Variants in CLEC1A observed in about 807,000 individuals in gnomAD.
CLEC1A encodes C-type lectin-like receptor-1.
In CLEC1A, 34 loss-of-function variants were observed where a neutral mutation model predicts 28.7. The observed-to-expected ratio is 1.18, with a 90% confidence interval of 0.90 to 1.57. The LOEUF (loss-of-function observed/expected upper bound fraction) is 1.57, where lower values mean the gene tolerates loss of function less well. Ranked by LOEUF, CLEC1A falls within the 40% of genes most tolerant of loss-of-function variation. The pLI, the probability that CLEC1A is intolerant of heterozygous loss-of-function variation, is 0.00. For missense variants in CLEC1A, 385 were observed against 339.5 expected (o/e 1.13, Z -1.05); for synonymous variants, 116 against 121.0 (o/e 0.96, Z 0.27).
intron 1 of CLEC1A, among the ~76,000 whole-genome samples, chr12:10,096,943 A>G (rs1256798478): frequency 6.6e-6 from 1 of 152,142 alleles, no homozygotes; most frequent in African/African-American, 2.4e-5. Flanking sequence ...GCTGTACTGT[A>G]CATGCTTCTG....
chr12:10,085,472 A>G (rs980519578), intron 2 of CLEC1A, among the ~76,000 whole-genome samples: 3 of 152,042 alleles, frequency 2.0e-5, no homozygotes, highest in African/African-American at 7.2e-5. Context: ...CGCAAATGGA[A>G]AACAAAAATG....
chr12:10,085,749 A>C (rs560614972), intron 2 of CLEC1A, among the ~76,000 whole-genome samples: 1 of 152,316 alleles, frequency 6.6e-6, no homozygotes, highest in African/African-American at 2.4e-5. Flanking sequence ...CACTGACAGC[A>C]CTAGACAGGT....
intron 1 of CLEC1A, among the ~76,000 whole-genome samples, chr12:10,096,610 T>C (rs934422650): frequency 6.6e-6 from 1 of 151,430 alleles, no homozygotes; most frequent in Non-Finnish European, 1.5e-5. Flanking sequence ...TTAAACTAGA[T>C]CAGCATGCCC....
intron 1 of CLEC1A, 25 bp from the exon 2 acceptor site, chr12:10,089,247 G>A (rs1463300618): frequency 6.3e-7 from 1 of 1,598,068 alleles, no homozygotes; most frequent in South Asian, 1.1e-5. Flanking sequence ...AGAGAAAGCA[G>A]AGTTTGGCTT....
intron 1 of CLEC1A, among the ~76,000 whole-genome samples, chr12:10,090,469 G>C (rs914520936): frequency 2.6e-5 from 4 of 151,992 alleles, no homozygotes; most frequent in African/African-American, 9.7e-5. Context: ...TGTTGCCCAG[G>C]CTGCAGGCTG....
At chr12:10,081,683 G>A (rs1470762658) in intron 2 of CLEC1A, among the ~76,000 whole-genome samples, 4 of 150,350 alleles carry the variant, frequency 2.7e-5, no homozygotes, top group Non-Finnish European at 5.9e-5. Context: ...TTGGACAACA[G>A]AACAGGGTGA....
chr12:10,080,650 G>C (rs1323789379), intron 3 of CLEC1A, among the ~76,000 whole-genome samples: 1 of 152,194 alleles, frequency 6.6e-6, no homozygotes, highest in Admixed American at 6.5e-5. Flanking sequence ...GAAAAGAATA[G>C]GAGAATAGGA....
At chr12:10,085,945 A>G (rs1866484363) in intron 2 of CLEC1A, among the ~76,000 whole-genome samples, 1 of 152,244 alleles carries the variant, frequency 6.6e-6, no homozygotes, top group Admixed American at 6.5e-5. Context: ...CCACAAAAAA[A>G]GTCTCTATAA....
chr12:10,080,146 T>G (rs1200003353), intron 3 of CLEC1A, among the ~76,000 whole-genome samples: 2 of 152,156 alleles, frequency 1.3e-5, no homozygotes, highest in South Asian at 2.1e-4. Context: ...CCATCTCTAC[T>G]AAAAATACAA....
chr12:10,081,445 C>G, intron 2 of CLEC1A, 32 bp from the exon 3 acceptor site: 1 of 1,522,676 alleles, frequency 6.6e-7, no homozygotes, highest in Non-Finnish European at 8.8e-7. Context: ...GACTGGACAG[C>G]TTATTTCTAT....
At chr12:10,075,772 T>G (rs1226988011) in intron 3 of CLEC1A, 117 bp from the exon 4 acceptor site, 13 of 857,058 alleles carry the variant, frequency 1.5e-5, no homozygotes, top group Non-Finnish European at 2.3e-5. Flanking sequence ...AATATTTAAT[T>G]AATTACCCAG....
intron 5 of CLEC1A, 59 bp from the exon 6 acceptor site, chr12:10,071,572 A>G: frequency 7.5e-7 from 1 of 1,329,790 alleles, no homozygotes; most frequent in Non-Finnish European, 1.0e-6. Flanking sequence ...TAAAATATTA[A>G]ATACCCATTC....
chr12:10,071,589 G>C, intron 5 of CLEC1A, 76 bp from the exon 6 acceptor site: 1 of 1,233,652 alleles, frequency 8.1e-7, no homozygotes, highest in Non-Finnish European at 1.1e-6. Context: ...ATTCTTTCTA[G>C]AGTTATAAAA....
At chr12:10,080,123 A>G (rs918446698) in intron 3 of CLEC1A, among the ~76,000 whole-genome samples, 4 of 152,192 alleles carry the variant, frequency 2.6e-5, no homozygotes, top group Admixed American at 2.6e-4. Context: ...AGCCTGCCCA[A>G]CACAGTGAAA....
At chr12:10,086,846 G>C (rs894095028) in intron 2 of CLEC1A, among the ~76,000 whole-genome samples, 2 of 151,952 alleles carry the variant, frequency 1.3e-5, no homozygotes, top group African/African-American at 4.8e-5. Flanking sequence ...GGAAAGCACA[G>C]AACAAAAAGA....
intron 5 of CLEC1A, 146 bp downstream of exon 5, chr12:10,073,147 T>C (rs1866172525): frequency 3.2e-6 from 2 of 634,492 alleles, no homozygotes; most frequent in South Asian, 4.1e-5. Flanking sequence ...ATTGTTCAAA[T>C]ATCTTCAGGC....
chr12:10,096,689 G>T (rs182570347), intron 1 of CLEC1A, among the ~76,000 whole-genome samples: 1 of 151,828 alleles, frequency 6.6e-6, no homozygotes, highest in Non-Finnish European at 1.5e-5. Context: ...CTACACCTAC[G>T]CCATACATAT....
At chr12:10,081,692 G>A (rs1366075701) in intron 2 of CLEC1A, among the ~76,000 whole-genome samples, 3 of 150,464 alleles carry the variant, frequency 2.0e-5, no homozygotes, top group Non-Finnish European at 4.4e-5. Flanking sequence ...AGAACAGGGT[G>A]AGGAGACTCA....
At position 10,081,239 on chromosome 12, in the gene CLEC1A, CCAGCTTTGTTATA is replaced by C; in HGVS notation, c.376_388del (p.Tyr126GlufsTer44). ...CAGAGTGACCAGGACACACTTACCT[CCAGCTTTGTTATA>C]CAGCTCACGACAGAGTTTTTCAGCC... On this transcript the variant is annotated frameshift_variant, in exon 3 of 6. Coordinates refer to ENST00000315330, the MANE Select transcript of CLEC1A (RefSeq NM_016511.4). LOFTEE classifies it high-confidence loss of function. The C allele has an allele frequency of 6.3e-7, 1 of 1,577,068 alleles. No homozygotes were observed. Among genetic ancestry groups the C allele is most frequent in the Non-Finnish European group, 8.6e-7 (1 of 1,162,708 alleles).
Sources: gnomAD v4.1 joint callset for allele counts (sites outside exome capture counted in the v4.1 genomes callset) on GRCh38, gnomAD v4.1.1 for gene constraint, MANE v1.5 for transcripts, NCBI Gene and HGNC (gene_info 2026-07-23, HGNC 2026-07-21) for gene names.